Variants in NHEJ1 observed in about 807,000 individuals in gnomAD.
NHEJ1 encodes non-homologous end joining factor 1.
Under a neutral mutation model 39.4 loss-of-function variants are expected in NHEJ1, and 22 were observed. The ratio of observed to expected loss-of-function variants is 0.56; its 90% CI spans 0.40 to 0.80. The LOEUF is 0.80. Among genes scored for constraint, NHEJ1 ranks in the 30% least tolerant of loss-of-function variants. The probability of loss-of-function intolerance (pLI) is 0.00; values close to 1 mark genes in which losing one functional copy is unlikely to be tolerated. For synonymous variants in NHEJ1, 154 were observed against 135.6 expected, an observed-to-expected ratio of 1.14 and a Z score of -0.94; for missense variants, 329 against 357.1, an observed-to-expected ratio of 0.92 and a Z score of 0.63.
rs572992075 is a variant in NHEJ1, at chr2:219,074,109, A to G, written c.*2272T>C. 9.2e-5 allele frequency among the ~76,000 whole-genome samples: 14 copies of G among 152,368 alleles called. No individual in the cohort carries two copies. In the South Asian group the frequency reaches 2.9e-3, roughly 32 times the overall value. Reference sequence around the variant, plus strand: ...GGTAGCAATGTTTCTCTAACAACGTATTTAAGCAATACCCCAATGGAGACA... The same window carrying G: ...GGTAGCAATGTTTCTCTAACAACGTGTTTAAGCAATACCCCAATGGAGACA... On this transcript the variant is annotated 3_prime_UTR_variant, in exon 8 of 8. Transcript: ENST00000356853.
At position 219,075,582 on chromosome 2, in the gene NHEJ1, A is replaced by C. The variant is rs1010238407; in HGVS notation, c.*799T>G. On this transcript the variant is annotated 3_prime_UTR_variant, in exon 8 of 8. Transcript: ENST00000356853. Reference sequence around the variant, plus strand: ...GGCAACATGGCAAAGCCTTGTCTCCACACACAAAAAAATACAAAAATTAGC... The same window carrying C: ...GGCAACATGGCAAAGCCTTGTCTCCCCACACAAAAAAATACAAAAATTAGC... 1 of 152,200 alleles carries C rather than the reference A, an allele frequency of 6.6e-6. No homozygotes were observed. Among genetic ancestry groups the C allele is most frequent in the African/African-American group, 2.4e-5 (1 of 41,422 alleles). The allele number at this position is 152,200 out of a possible 1,614,324, so 9.4% of individuals were successfully genotyped here.
chr2:219,147,375 G>A (rs1201917713), intron 4 of NHEJ1, among the ~76,000 whole-genome samples: 1 of 152,150 alleles, frequency 6.6e-6, no homozygotes, highest in African/African-American at 2.4e-5. Flanking sequence ...CCAGCTACTC[G>A]GGAGGCTGAG....
chr2:219,134,470 G>A (rs1478530720), intron 5 of NHEJ1, among the ~76,000 whole-genome samples: 1 of 152,132 alleles, frequency 6.6e-6, no homozygotes, highest in African/African-American at 2.4e-5. Context: ...AATCTACTAT[G>A]CTATTCTGAT....
At chr2:219,138,973 G>A (rs1949663748) in intron 5 of NHEJ1, among the ~76,000 whole-genome samples, 1 of 152,168 alleles carries the variant, frequency 6.6e-6, no homozygotes, top group Non-Finnish European at 1.5e-5. Context: ...CAGACTTAGT[G>A]ACTCATTTCT....
At position 219,074,296 on chromosome 2, in the gene NHEJ1, T is replaced by C. The variant is rs74881226; in HGVS notation, c.*2085A>G. On this transcript the variant is annotated 3_prime_UTR_variant, in exon 8 of 8. Transcript: ENST00000356853. Reference sequence around the variant, plus strand: ...GGGATTCACAGGCCTCTGGCCCCGCTGTGATGAAAAATGTCTTGAGTCTGT... The same window carrying C: ...GGGATTCACAGGCCTCTGGCCCCGCCGTGATGAAAAATGTCTTGAGTCTGT... 0.043 allele frequency among the ~76,000 whole-genome samples: 6,569 copies of C among 152,292 alleles called. 482 individuals carry two copies. Among genetic ancestry groups the C allele is most frequent in the African/African-American group, 0.15 (6,133 of 41,526 alleles).
At position 219,158,368 on chromosome 2, in the gene NHEJ1, A is replaced by C; in HGVS notation, c.1-6T>G. 6.2e-7 allele frequency: 1 copy of C among 1,614,058 alleles called. No individual in the cohort carries two copies. Among genetic ancestry groups the C allele is most frequent in the Non-Finnish European group, 8.5e-7 (1 of 1,180,034 alleles). ...CCTTGCTCCAGTTCTTCCATCTGCAAAAAAGTCCTCATTTAGTAAAGAGCC... is the reference window on the plus strand; with the variant it reads ...CCTTGCTCCAGTTCTTCCATCTGCACAAAAGTCCTCATTTAGTAAAGAGCC... On this transcript the variant is annotated splice_polypyrimidine_tract_variant and splice_region_variant and intron_variant, in intron 1 of 7. Transcript: ENST00000356853.
intron 5 of NHEJ1, among the ~76,000 whole-genome samples, chr2:219,144,930 C>A (rs1348736246): frequency 1.3e-5 from 2 of 152,100 alleles, no homozygotes; most frequent in South Asian, 2.1e-4. Flanking sequence ...GAAACCTTTT[C>A]TAGGCTAGGC....
chr2:219,137,595 A>AAAAAAC (rs1553547571), intron 5 of NHEJ1, among the ~76,000 whole-genome samples: 982 of 82,268 alleles, frequency 0.012, 8 homozygotes, highest in Non-Finnish European at 0.018. Flanking sequence ...AAAAAAAACA[A>AAAAAAC]AAAAAACTGA....
chr2:219,072,201 T>TA lies in NHEJ1; in HGVS notation c.*4179dup, dbSNP rs1376358064. 2.0e-5 allele frequency among the ~76,000 whole-genome samples: 3 copies of TA among 152,142 alleles called. No homozygotes were observed. The highest frequency in any genetic ancestry group is 3.9e-4 in the East Asian group (2 of 5,192). ...TGGCCAAGAACACAAGGAAAAAACA[T>TA]AGAGCAATGAGCTGCCCTGGACAAG... On this transcript the variant is annotated 3_prime_UTR_variant, in exon 8 of 8. Coordinates refer to ENST00000356853, the MANE Select transcript of NHEJ1 (RefSeq NM_024782.3).
chr2:219,159,554 T>TGC lies in NHEJ1; in HGVS notation c.-1+1165_-1+1166insGC, dbSNP rs549928115. ...ATATATATGCATATATATATATGCA[T>TGC]ATATATATGCATATATATATGCATA... On this transcript the variant is annotated intron_variant, in intron 1 of 7. Transcript: ENST00000356853. Among the ~76,000 whole-genome samples the TGC allele has an allele frequency of 7.1e-4, 40 of 56,330 alleles. 3 individuals carry two copies. Among genetic ancestry groups the TGC allele is most frequent in the South Asian group, 3.0e-3 (4 of 1,314 alleles). 37.0% of individuals were successfully genotyped at this position (56,330 alleles called of 152,430 possible).
chr2:219,132,701 A>G (rs57040597), intron 5 of NHEJ1, among the ~76,000 whole-genome samples: 9,163 of 152,238 alleles, frequency 0.06, 891 homozygotes, highest in East Asian at 0.47. Flanking sequence ...GCCACTCTCC[A>G]TACAATATTC....
intron 5 of NHEJ1, among the ~76,000 whole-genome samples, chr2:219,135,004 C>A (rs1192164694): frequency 7.3e-6 from 1 of 136,718 alleles, no homozygotes; most frequent in African/African-American, 2.7e-5. Flanking sequence ...CGTGCCATTG[C>A]ACTCCAGCCG....
intron 5 of NHEJ1, among the ~76,000 whole-genome samples, chr2:219,078,797 C>A (rs1012308915): frequency 6.6e-6 from 1 of 152,148 alleles, no homozygotes; most frequent in Non-Finnish European, 1.5e-5. Flanking sequence ...AGTGGGCTGG[C>A]TGAGATTCCC....
At chr2:219,099,505 A>G (rs1433462810) in intron 5 of NHEJ1, among the ~76,000 whole-genome samples, 1 of 152,240 alleles carries the variant, frequency 6.6e-6, no homozygotes, top group Admixed American at 6.5e-5. Flanking sequence ...ATAGTGAGTC[A>G]GGAGCTAAAC....
intron 5 of NHEJ1, among the ~76,000 whole-genome samples, chr2:219,107,550 C>T (rs562316177): frequency 2.0e-5 from 3 of 152,296 alleles, no homozygotes; most frequent in Middle Eastern, 3.4e-3. Flanking sequence ...AGACTGGCAT[C>T]GTGGGGACAG....
At chr2:219,156,004 C>T (rs1949851352) in intron 3 of NHEJ1, among the ~76,000 whole-genome samples, 1 of 151,522 alleles carries the variant, frequency 6.6e-6, no homozygotes, top group Non-Finnish European at 1.5e-5. Flanking sequence ...AATCCCAGCA[C>T]TTTGGGAGGC....
At chr2:219,126,309 C>G (rs1949513994) in intron 5 of NHEJ1, among the ~76,000 whole-genome samples, 1 of 152,208 alleles carries the variant, frequency 6.6e-6, no homozygotes, top group Non-Finnish European at 1.5e-5. Flanking sequence ...TGTTTTCTAC[C>G]TATTACTTGT....
chr2:219,075,504 T>G lies in NHEJ1; in HGVS notation c.*877A>C, dbSNP rs1002111127. 1 of 152,050 alleles carries G rather than the reference T, an allele frequency of 6.6e-6. No individual in the cohort carries two copies. The highest frequency in any genetic ancestry group is 6.6e-5 in the Admixed American group (1 of 15,256). 9.4% of individuals were successfully genotyped at this position (152,050 alleles called of 1,614,324 possible). ...GCTCATGCCTGTAATCCCAGCACTT[T>G]GGGAGGTTGAGGTGGGCAGATCACT... On this transcript the variant is annotated 3_prime_UTR_variant, in exon 8 of 8. Transcript: ENST00000356853.
chr2:219,160,170 G>A (rs964121440), intron 1 of NHEJ1, among the ~76,000 whole-genome samples: 4 of 152,168 alleles, frequency 2.6e-5, no homozygotes, highest in African/African-American at 9.7e-5. Context: ...CCGGCGGAGG[G>A]GTCCCTTGAG....
Sources: gnomAD v4.1 joint callset for allele counts (sites outside exome capture counted in the v4.1 genomes callset) on GRCh38, gnomAD v4.1.1 for gene constraint, MANE v1.5 for transcripts, NCBI Gene and HGNC (gene_info 2026-07-23, HGNC 2026-07-21) for gene names.